AKAP6: variants seen among roughly 807,000 people sequenced by gnomAD.
AKAP6 encodes the protein A-kinase anchoring protein 6, also known as A-kinase anchor protein 6.
AKAP6 carries 58 observed loss-of-function variants against 188.5 expected under a neutral mutation model. That is an observed-to-expected ratio of 0.31 (90% CI 0.25 to 0.38). The LOEUF is 0.38. Among genes scored for constraint, AKAP6 ranks in the 10% least tolerant of loss-of-function variants. The probability of loss-of-function intolerance (pLI) is 1.00; values close to 1 mark genes in which losing one functional copy is unlikely to be tolerated. For synonymous variants in AKAP6, 989 were observed against 998.6 expected, an observed-to-expected ratio of 0.99 and a Z score of 0.18; for missense variants, 2,710 against 2,740.0, an observed-to-expected ratio of 0.99 and a Z score of 0.24.
chr14:32,651,509 G>A (rs933164024), intron 7 of AKAP6, among the ~76,000 whole-genome samples: 25 of 152,194 alleles, frequency 1.6e-4, no homozygotes, highest in Non-Finnish European at 1.5e-5. Flanking sequence ...AAGCTGGGAA[G>A]TGAAGTCCAA....
intron 8 of AKAP6, among the ~76,000 whole-genome samples, chr14:32,694,347 T>C (rs1225726203): frequency 1.4e-5 from 2 of 138,620 alleles, no homozygotes; most frequent in Non-Finnish European, 3.1e-5. Context: ...GATAACAGAG[T>C]GAGACTCCGT....
intron 8 of AKAP6, among the ~76,000 whole-genome samples, chr14:32,686,582 C>A (rs1889934856): frequency 6.6e-6 from 1 of 151,342 alleles, no homozygotes; most frequent in African/African-American, 2.4e-5. Context: ...ACTATGTACC[C>A]ACAAAAATTA....
chr14:32,483,009 A>G (rs563470116), intron 2 of AKAP6, among the ~76,000 whole-genome samples: 89,496 of 150,166 alleles, frequency 0.6, 27,849 homozygotes, highest in African/African-American at 0.78. Context: ...ATATATATAT[A>G]TATGTATCTT....
At chr14:32,730,089 T>C (rs2031098399) in intron 9 of AKAP6, among the ~76,000 whole-genome samples, 1 of 152,170 alleles carries the variant, frequency 6.6e-6, no homozygotes, top group African/African-American at 2.4e-5. Context: ...CCTGACATTA[T>C]TACACATACA....
chr14:32,485,755 T>C (rs191708234), intron 2 of AKAP6, among the ~76,000 whole-genome samples: 14 of 152,318 alleles, frequency 9.2e-5, no homozygotes, highest in Non-Finnish European at 1.6e-4. Context: ...TTTCTCCCAT[T>C]CTGTAGGTTG....
chr14:32,747,798 TAGC>T (rs528292210), intron 11 of AKAP6, among the ~76,000 whole-genome samples: 9 of 152,234 alleles, frequency 5.9e-5, no homozygotes, highest in Non-Finnish European at 1.2e-4. Flanking sequence ...GAAAATGGAA[TAGC>T]AGCCCAATTC....
chr14:32,832,832 A>G lies in AKAP6; in HGVS notation c.*3027A>G, dbSNP rs1335878292. ...AGATAATCAAGGCCAGTTACTCATC[A>G]TCTCCCAACCACTGTTTCCTCAACT... On this transcript the variant is annotated 3_prime_UTR_variant, in exon 14 of 14. Coordinates refer to ENST00000280979, the MANE Select transcript of AKAP6 (RefSeq NM_004274.5). 6.6e-6 allele frequency: 1 copy of G among 152,578 alleles called. No homozygotes were observed. Among genetic ancestry groups the G allele is most frequent in the African/African-American group, 2.4e-5 (1 of 41,440 alleles). 9.5% of individuals were successfully genotyped at this position (152,578 alleles called of 1,614,324 possible).
intron 8 of AKAP6, among the ~76,000 whole-genome samples, chr14:32,691,226 T>A (rs1379710032): frequency 2.6e-5 from 4 of 152,148 alleles, no homozygotes; most frequent in African/African-American, 9.7e-5. Context: ...TCATGAGAAA[T>A]TCAAGAGAAG....
rs905376020 is a variant in AKAP6 at position 32,648,388 on chromosome 14, T to C, written c.2731-29923T>C. Among the ~76,000 whole-genome samples, 6 of 152,090 alleles carry C rather than the reference T, an allele frequency of 3.9e-5. No individual in the cohort carries two copies. The East Asian group carries it at 9.6e-4, about 24-fold the overall frequency. On this transcript the variant is annotated intron_variant, in intron 7 of 13. Transcript: ENST00000280979. Reference sequence around the variant, plus strand: ...ACTATGTTGTTAATAATAGCGGTGATCATTTTCAGAATTGCCTTTTTGGTG... The same window carrying C: ...ACTATGTTGTTAATAATAGCGGTGACCATTTTCAGAATTGCCTTTTTGGTG...
At chr14:32,404,186 C>G (rs936171375) in intron 1 of AKAP6, among the ~76,000 whole-genome samples, 1 of 151,912 alleles carries the variant, frequency 6.6e-6, no homozygotes, top group Non-Finnish European at 1.5e-5. Context: ...TTGTAGTTAA[C>G]TTGGAAAAGG....
At chr14:32,671,082 C>A (rs1159510211) in intron 7 of AKAP6, among the ~76,000 whole-genome samples, 1 of 152,132 alleles carries the variant, frequency 6.6e-6, no homozygotes, top group Non-Finnish European at 1.5e-5. Context: ...TGTTCAGCTA[C>A]ATGTGATAAG....
In AKAP6 at chr14:32,792,638, A is replaced by G. The variant is rs11628673; in HGVS notation, c.3588+18745A>G. Among the ~76,000 whole-genome samples, 291 of 152,326 alleles carry G rather than the reference A, an allele frequency of 1.9e-3. 1 individual carries two copies. The highest frequency in any genetic ancestry group is 3.1e-3 in the Non-Finnish European group (211 of 68,028). On this transcript the variant is annotated intron_variant, in intron 12 of 13. Coordinates refer to ENST00000280979, the MANE Select transcript of AKAP6 (RefSeq NM_004274.5). ...TTTCTCTTGCCTGATTGCCCTGGCC[A>G]GAACTTCCAATACTATGTTGAATAG... is the stretch of plus-strand genomic sequence containing the variant.
At chr14:32,710,209 A>C (rs1218903750) in intron 9 of AKAP6, among the ~76,000 whole-genome samples, 3 of 152,012 alleles carry the variant, frequency 2.0e-5, no homozygotes, top group Non-Finnish European at 1.5e-5. Flanking sequence ...AAAAAAAAAA[A>C]AAACCTCTTC....
intron 4 of AKAP6, among the ~76,000 whole-genome samples, chr14:32,560,076 T>C (rs755181994): frequency 6.6e-6 from 1 of 151,924 alleles, no homozygotes; most frequent in Non-Finnish European, 1.5e-5. Context: ...CTGGGAGATA[T>C]AAGGAATTTA....
chr14:32,350,135 G>A (rs1887216658), intron 1 of AKAP6, among the ~76,000 whole-genome samples: 1 of 152,118 alleles, frequency 6.6e-6, no homozygotes, highest in Non-Finnish European at 1.5e-5. Flanking sequence ...CTGAGGGTGG[G>A]CTAGACTTAG....
In AKAP6 at chr14:32,815,716, G is replaced by A. The variant is rs150237521; in HGVS notation, c.3589-5686G>A. ...TTATTTAGGATTCAGCCATACTATCGTCTCCTCACTTCACCAGAGGGAATA... is the reference window on the plus strand; with the variant it reads ...TTATTTAGGATTCAGCCATACTATCATCTCCTCACTTCACCAGAGGGAATA... On this transcript the variant is annotated intron_variant, in intron 12 of 13. Transcript: ENST00000280979. Among the ~76,000 whole-genome samples the A allele has an allele frequency of 1.7e-3, 263 of 152,200 alleles. 2 individuals carry two copies. Among genetic ancestry groups the A allele is most frequent in the African/African-American group, 5.5e-3 (228 of 41,506 alleles).
chr14:32,526,503 G>T (rs1404447522), intron 2 of AKAP6, among the ~76,000 whole-genome samples: 2 of 152,126 alleles, frequency 1.3e-5, no homozygotes, highest in African/African-American at 4.8e-5. Context: ...CAAAGTGCTG[G>T]CATTACAGAT....
rs140369504 is a variant in AKAP6, at chr14:32,770,859, T to C, written c.3373-2819T>C. On this transcript the variant is annotated intron_variant, in intron 11 of 13. Transcript: ENST00000280979. Reference sequence around the variant, plus strand: ...TTTGAAAGCTTCATTCCTGAAACGGTGCCTAGCATATGGAAAGTGCAGTAC... The same window carrying C: ...TTTGAAAGCTTCATTCCTGAAACGGCGCCTAGCATATGGAAAGTGCAGTAC... Among the ~76,000 whole-genome samples, 815 of 152,330 alleles carry C rather than the reference T, an allele frequency of 5.4e-3. 14 individuals are homozygous for C. The highest frequency in any genetic ancestry group is 0.019 in the African/African-American group (789 of 41,570).
intron 7 of AKAP6, among the ~76,000 whole-genome samples, chr14:32,653,990 C>G (rs2139543016): frequency 6.6e-6 from 1 of 152,194 alleles, no homozygotes; most frequent in South Asian, 2.1e-4. Context: ...TGTCTTGGGC[C>G]ATTTGGGTTC....
Sources: gnomAD v4.1 joint callset for allele counts (sites outside exome capture counted in the v4.1 genomes callset) on GRCh38, gnomAD v4.1.1 for gene constraint, MANE v1.5 for transcripts, NCBI Gene and HGNC (gene_info 2026-07-23, HGNC 2026-07-21) for gene names.